The following RPTOR variants were observed in gnomAD, a reference collection of about 807,000 sequenced individuals.
The protein encoded by RPTOR is regulatory associated protein of MTOR complex 1, also known as regulatory-associated protein of mTOR.
In RPTOR, 21 loss-of-function variants were observed where a neutral mutation model predicts 169.9. That is an observed-to-expected ratio of 0.12 (90% CI 0.09 to 0.18). The LOEUF (loss-of-function observed/expected upper bound fraction) is 0.18, where lower values mean the gene tolerates loss of function less well. RPTOR is among the 10% of genes least tolerant of loss of function. The probability of loss-of-function intolerance (pLI) is 1.00; values close to 1 mark genes in which losing one functional copy is unlikely to be tolerated. For missense variants in RPTOR, 1,133 were observed against 1,855.9 expected (o/e 0.61, Z 7.16); for synonymous variants, 732 against 753.2 (o/e 0.97, Z 0.46).
At chr17:80,922,404 G>A (rs1041087637) in intron 21 of RPTOR, among the ~76,000 whole-genome samples, 1 of 152,182 alleles carries the variant, frequency 6.6e-6, no homozygotes, top group East Asian at 1.9e-4. Flanking sequence ...GAGGAGGGTG[G>A]GCCGTCATCC....
chr17:80,795,639 T>C (rs912386894), intron 7 of RPTOR, among the ~76,000 whole-genome samples: 2 of 152,142 alleles, frequency 1.3e-5, no homozygotes, highest in Non-Finnish European at 2.9e-5. Flanking sequence ...TGATTAGGGA[T>C]TCGGGGTACG....
At chr17:80,686,387 G>T (rs1009788062) in intron 3 of RPTOR, among the ~76,000 whole-genome samples, 1 of 148,836 alleles carries the variant, frequency 6.7e-6, no homozygotes, top group Non-Finnish European at 1.5e-5. Context: ...GGGTTTCACC[G>T]TGTTAGCCAG....
In RPTOR at chr17:80,966,097, G is replaced by A; in HGVS notation, c.*1767G>A. 1 of 229,544 alleles carries A rather than the reference G, an allele frequency of 4.4e-6. No homozygotes were observed. Among genetic ancestry groups the A allele is most frequent in the Non-Finnish European group, 8.6e-6 (1 of 115,902 alleles). 14.2% of individuals were successfully genotyped at this position (229,544 alleles called of 1,614,324 possible). Reference sequence around the variant, plus strand: ...AAAATCACCACCTGTCAAAAGGCAGGTGGCTCCAGAGGGGTCAAGACCCCC... The same window carrying A: ...AAAATCACCACCTGTCAAAAGGCAGATGGCTCCAGAGGGGTCAAGACCCCC... On this transcript the variant is annotated 3_prime_UTR_variant, in exon 34 of 34. Coordinates refer to ENST00000306801, the MANE Select transcript of RPTOR (RefSeq NM_020761.3).
intron 11 of RPTOR, among the ~76,000 whole-genome samples, chr17:80,848,025 G>A (rs920073102): frequency 3.9e-5 from 6 of 152,368 alleles, no homozygotes; most frequent in Non-Finnish European, 8.8e-5. Flanking sequence ...GCTTCACCTC[G>A]TTCAGGACTT....
intron 3 of RPTOR, among the ~76,000 whole-genome samples, chr17:80,684,400 A>G (rs1178496790): frequency 2.1e-5 from 3 of 142,650 alleles, no homozygotes; most frequent in Non-Finnish European, 3.0e-5. Context: ...ATAAGGAGAT[A>G]CATGTTTATT....
chr17:80,813,238 A>C (rs1163758250), intron 7 of RPTOR, among the ~76,000 whole-genome samples: 2 of 152,370 alleles, frequency 1.3e-5, no homozygotes, highest in East Asian at 3.9e-4. Flanking sequence ...TGAATTGTAC[A>C]TCATTTTAAA....
chr17:80,699,951 G>A (rs931661144), intron 3 of RPTOR, among the ~76,000 whole-genome samples: 1 of 152,126 alleles, frequency 6.6e-6, no homozygotes, highest in Admixed American at 6.5e-5. Context: ...CCTATCCAGT[G>A]TCTGGAAGAG....
At chr17:80,643,419 A>G (rs2065568612) in intron 2 of RPTOR, among the ~76,000 whole-genome samples, 2 of 152,258 alleles carry the variant, frequency 1.3e-5, no homozygotes, top group South Asian at 2.1e-4. Context: ...AAGCCTGAGC[A>G]GGAGCCTGAG....
intron 10 of RPTOR, among the ~76,000 whole-genome samples, chr17:80,843,704 A>C (rs898806711): frequency 6.6e-6 from 1 of 152,166 alleles, no homozygotes; most frequent in African/African-American, 2.4e-5. Flanking sequence ...GTATTGTGCC[A>C]TTGTCAGGAC....
At chr17:80,643,263 T>C (rs2065567562) in intron 2 of RPTOR, among the ~76,000 whole-genome samples, 1 of 152,216 alleles carries the variant, frequency 6.6e-6, no homozygotes, top group East Asian at 1.9e-4. Flanking sequence ...CGGATTTTTT[T>C]TGTGGGAATA....
Position 80,951,852 on chromosome 17 carries a change from C to T in RPTOR, c.3370+2305C>T, listed in dbSNP as rs147012874. 4.2e-3 allele frequency among the ~76,000 whole-genome samples: 640 copies of T among 152,324 alleles called. 2 individuals are homozygous for T. Among genetic ancestry groups the T allele is most frequent in the Middle Eastern group, 6.8e-3 (2 of 294 alleles). ...GGCATGTCACTGTCCTACCCGGGTA[C>T]GTCGGCCTATGTGCTGGAGACAGGG... is the stretch of plus-strand genomic sequence containing the variant. On this transcript the variant is annotated intron_variant, in intron 28 of 33. Coordinates refer to ENST00000306801, the MANE Select transcript of RPTOR (RefSeq NM_020761.3).
chr17:80,586,875 T>A (rs2065064992), intron 1 of RPTOR, among the ~76,000 whole-genome samples: 1 of 150,756 alleles, frequency 6.6e-6, no homozygotes, highest in Admixed American at 6.6e-5. Flanking sequence ...GTGATAGCTG[T>A]TCCTGTTCCT....
At chr17:80,603,653 T>C (rs1420221883) in intron 1 of RPTOR, among the ~76,000 whole-genome samples, 1 of 151,930 alleles carries the variant, frequency 6.6e-6, no homozygotes, top group African/African-American at 2.4e-5. Context: ...GGCGAAAGGG[T>C]GCATGGGGTG....
rs1355006452 is a variant in RPTOR at position 80,585,216 on chromosome 17, TTTTC to T, written c.162+39426_162+39429del. On this transcript the variant is annotated intron_variant, in intron 1 of 33. Coordinates refer to ENST00000306801, the MANE Select transcript of RPTOR (RefSeq NM_020761.3). ...TTATTATTATTATTTTTGTTTTTTTTTTTCCTGAGATGGAGTCTTGCTCTGTCGC... is the reference window on the plus strand; with the variant it reads ...TTATTATTATTATTTTTGTTTTTTTTCTGAGATGGAGTCTTGCTCTGTCGC... Among the ~76,000 whole-genome samples, 13 of 149,462 alleles carry T rather than the reference TTTTC, an allele frequency of 8.7e-5. 1 individual carries two copies. Among genetic ancestry groups the T allele is most frequent in the African/African-American group, 2.7e-4 (11 of 40,910 alleles).
rs776019646 is a variant in RPTOR at position 80,857,816 on chromosome 17, C to T, written c.1425C>T (p.Tyr475=). The T allele has an allele frequency of 1.9e-5, 31 of 1,611,896 alleles. No individual in the cohort carries two copies. The highest frequency in any genetic ancestry group is 6.7e-5 in the Admixed American group (4 of 60,016). Residue 475 remains tyrosine, a synonymous_variant, in exon 13 of 34, where the codon TAC becomes TAT. Coordinates refer to ENST00000306801, the MANE Select transcript of RPTOR (RefSeq NM_020761.3). ...SLALSVGIFP[Y]VLKLLQSSAR... ...CCTTGTCTGTCGGCATCTTCCCCTACGTGCTGAAGCTGCTCCAGAGCTCGG... is the reference window on the plus strand; with the variant it reads ...CCTTGTCTGTCGGCATCTTCCCCTATGTGCTGAAGCTGCTCCAGAGCTCGG...
Position 80,925,416 on chromosome 17 carries a change from C to G in RPTOR, c.2855C>G (p.Ser952Cys), listed in dbSNP as rs746283460. The G allele has an allele frequency of 6.2e-7, 1 of 1,613,742 alleles. No homozygotes were observed. Among genetic ancestry groups the G allele is most frequent in the Non-Finnish European group, 8.5e-7 (1 of 1,180,042 alleles). ...GCTGCTGGACACAAAAGTTTCATCT[C>G]CGCCACGGTGCAGACGGGGTTCTGC... ...DDAAGHKSFI[S>C]ATVQTGFCDW... Residue 952 changes from serine (S) to cysteine (C), a missense_variant, in exon 24 of 34, where the codon TCC (serine) becomes TGC (cysteine). Coordinates refer to ENST00000306801, the MANE Select transcript of RPTOR (RefSeq NM_020761.3).
At chr17:80,776,321 CTTTTTTT>C (rs545348018) in intron 6 of RPTOR, among the ~76,000 whole-genome samples, 5 of 112,252 alleles carry the variant, frequency 4.5e-5, no homozygotes, top group Non-Finnish European at 8.6e-5. Context: ...GCCAAACTTC[CTTTTTTT>C]TTTTTTTTTT....
At chr17:80,821,488 T>G (rs534882036) in intron 7 of RPTOR, among the ~76,000 whole-genome samples, 3 of 152,294 alleles carry the variant, frequency 2.0e-5, no homozygotes, top group African/African-American at 7.2e-5. Context: ...CCATCCAAGT[T>G]GCTGCAAAAG....
intron 20 of RPTOR, among the ~76,000 whole-genome samples, chr17:80,895,587 G>C (rs2068388794): frequency 6.6e-6 from 1 of 152,238 alleles, no homozygotes; most frequent in South Asian, 2.1e-4. Context: ...CACGTGTGTG[G>C]TGCGTGTTCT....
Sources: gnomAD v4.1 joint callset for allele counts (sites outside exome capture counted in the v4.1 genomes callset) on GRCh38, gnomAD v4.1.1 for gene constraint, MANE v1.5 for transcripts, NCBI Gene and HGNC (gene_info 2026-07-23, HGNC 2026-07-21) for gene names.